TMEM108: variants seen among roughly 807,000 people sequenced by gnomAD.
TMEM108 encodes transmembrane protein 108.
TMEM108 carries 12 observed loss-of-function variants against 35.1 expected under a neutral mutation model. The ratio of observed to expected loss-of-function variants is 0.34; its 90% CI spans 0.22 to 0.55. TMEM108 has a LOEUF of 0.55. Ranked by LOEUF, TMEM108 falls within the 20% of genes least tolerant of loss-of-function variation. The pLI is 0.89. For missense variants in TMEM108, 680 were observed against 753.3 expected, an observed-to-expected ratio of 0.90 and a Z score of 1.14; for synonymous variants, 287 against 308.6, an observed-to-expected ratio of 0.93 and a Z score of 0.73.
intron 3 of TMEM108, among the ~76,000 whole-genome samples, chr3:133,363,089 G>T (rs537519274): frequency 6.6e-6 from 1 of 152,160 alleles, no homozygotes; most frequent in African/African-American, 2.4e-5. Context: ...GACCATTTCT[G>T]TGTGGCCTTC....
chr3:133,349,445 CAAAT>C (rs2071924822), intron 3 of TMEM108, among the ~76,000 whole-genome samples: 1 of 151,976 alleles, frequency 6.6e-6, no homozygotes, highest in African/African-American at 2.4e-5. Context: ...CAAAAATAGA[CAAAT>C]AGGATTACAT....
chr3:133,263,724 A>G (rs1946657274), intron 3 of TMEM108, among the ~76,000 whole-genome samples: 2 of 152,234 alleles, frequency 1.3e-5, no homozygotes, highest in Non-Finnish European at 2.9e-5. Context: ...ACTTGCAGGC[A>G]GCATTTGGGC....
chr3:133,138,610 C>CA (rs899573252), intron 2 of TMEM108, among the ~76,000 whole-genome samples: 1 of 152,046 alleles, frequency 6.6e-6, no homozygotes, highest in African/African-American at 2.4e-5. Context: ...AAAGATTGGA[C>CA]ATCCCTGCCA....
chr3:133,065,169 T>C (rs1290690890), intron 2 of TMEM108, among the ~76,000 whole-genome samples: 1 of 151,962 alleles, frequency 6.6e-6, no homozygotes, highest in African/African-American at 2.4e-5. Flanking sequence ...ATTTGTTGGA[T>C]GGATTAAATT....
intron 2 of TMEM108, among the ~76,000 whole-genome samples, chr3:133,057,479 A>ATATATATATATATC (rs1559818494): frequency 1.4e-5 from 1 of 73,144 alleles, no homozygotes; most frequent in African/African-American, 5.0e-5. Context: ...ATATATATAT[A>ATATATATATATATC]TATATATGTG....
In TMEM108 at chr3:133,379,901, G is replaced by C; in HGVS notation, c.190G>C (p.Val64Leu). ...CAGCTCTACCAGACATACTTCTGTG[G>C]TGATGCTGACCCCCAATCCCGATGG... Reference protein sequence around the residue: ...PHSSTRHTSVVMLTPNPDGPP... With the variant: ...PHSSTRHTSVLMLTPNPDGPP... The change falls in exon 4 of 6, where the codon GTG becomes CTG. Residue 64 changes from valine (V) to leucine (L), a missense_variant. Val to Leu is a conservative substitution (Grantham distance 32). Around this residue, in one of 3 missense-constraint regions of TMEM108, gnomAD observed 526 missense variants for 532.1 expected, o/e 0.99. Transcript: ENST00000321871. The C allele has an allele frequency of 6.2e-7, 1 of 1,613,898 alleles. No homozygotes were observed.
At chr3:133,382,482 C>T (rs866432310) in intron 4 of TMEM108, among the ~76,000 whole-genome samples, 2 of 152,254 alleles carry the variant, frequency 1.3e-5, no homozygotes, top group Non-Finnish European at 2.9e-5. Context: ...CCATCTGCCC[C>T]CTCTGGGGTA....
chr3:133,119,058 C>T (rs1375257959), intron 2 of TMEM108: 1 of 152,168 alleles, frequency 6.6e-6, no homozygotes, highest in East Asian at 1.9e-4. Flanking sequence ...ACTTTGGAAA[C>T]GTACTAGCAC....
chr3:133,243,967 A>G (rs1262957396), intron 3 of TMEM108, among the ~76,000 whole-genome samples: 1 of 152,146 alleles, frequency 6.6e-6, no homozygotes, highest in Non-Finnish European at 1.5e-5. Context: ...GGGCCTGGAA[A>G]GGGAAGAAAG....
In TMEM108 at chr3:133,078,262, A is replaced by G. The variant is rs1285463521; in HGVS notation, c.-47+32242A>G. 2.6e-5 allele frequency among the ~76,000 whole-genome samples: 4 copies of G among 151,640 alleles called. No homozygotes were observed. In the East Asian group the frequency reaches 7.7e-4, roughly 29 times the overall value. On this transcript the variant is annotated intron_variant, in intron 2 of 5. Transcript: ENST00000321871. ...GCTTTTTGTGGACGACAGGGCATAT[A>G]CCTCCCTATTCTTCTCAGTCCTTTC...
chr3:133,141,033 T>A (rs887409014), intron 2 of TMEM108, among the ~76,000 whole-genome samples: 1 of 152,210 alleles, frequency 6.6e-6, no homozygotes, highest in Non-Finnish European at 1.5e-5. Context: ...GGATCCGGCC[T>A]ACCAAATCAT....
At chr3:133,244,406 C>T (rs181503285) in intron 3 of TMEM108, among the ~76,000 whole-genome samples, 3 of 152,230 alleles carry the variant, frequency 2.0e-5, no homozygotes, top group Admixed American at 2.0e-4. Flanking sequence ...TCTATGAACC[C>T]GTCCTAAGTC....
At chr3:133,128,721 T>C (rs530220574) in intron 2 of TMEM108, among the ~76,000 whole-genome samples, 1 of 152,320 alleles carries the variant, frequency 6.6e-6, no homozygotes, top group African/African-American at 2.4e-5. Flanking sequence ...CCATGGTTTC[T>C]TGGGTGAAGA....
At chr3:133,140,862 A>C (rs1944631392) in intron 2 of TMEM108, among the ~76,000 whole-genome samples, 1 of 152,116 alleles carries the variant, frequency 6.6e-6, no homozygotes, top group Non-Finnish European at 1.5e-5. Flanking sequence ...AATTTTTAAT[A>C]ATTATATATT....
intron 3 of TMEM108, among the ~76,000 whole-genome samples, chr3:133,344,550 G>T (rs1349149880): frequency 6.6e-6 from 1 of 150,704 alleles, no homozygotes; most frequent in Non-Finnish European, 1.5e-5. Context: ...TATTAATTCA[G>T]CCCAAAAAAA....
intron 3 of TMEM108, among the ~76,000 whole-genome samples, chr3:133,255,791 C>A (rs1386825492): frequency 3.3e-5 from 5 of 152,146 alleles, no homozygotes; most frequent in Non-Finnish European, 7.3e-5. Flanking sequence ...CAGTTCAAGA[C>A]CAACCTGGCC....
At chr3:133,162,911 C>T (rs1396438630) in intron 2 of TMEM108, among the ~76,000 whole-genome samples, 1 of 152,174 alleles carries the variant, frequency 6.6e-6, no homozygotes, top group Non-Finnish European at 1.5e-5. Context: ...GCATATGAAA[C>T]AGTTTGCTGG....
At chr3:133,339,787 A>ATAAC (rs2071607946) in intron 3 of TMEM108, among the ~76,000 whole-genome samples, 1 of 151,928 alleles carries the variant, frequency 6.6e-6, no homozygotes, top group African/African-American at 2.4e-5. Context: ...CTAGAAATCA[A>ATAAC]TAACAAGAGG....
At chr3:133,184,003 A>G (rs1420560891) in intron 2 of TMEM108, among the ~76,000 whole-genome samples, 1 of 152,196 alleles carries the variant, frequency 6.6e-6, no homozygotes, top group East Asian at 1.9e-4. Flanking sequence ...GAACAAGGGC[A>G]TTACTGCAGG....
Sources: allele counts gnomAD v4.1 joint callset (sites outside exome capture counted in the v4.1 genomes callset), GRCh38; gene constraint gnomAD v4.1.1; regional missense constraint gnomAD v4.1.1; transcripts MANE v1.5; gene names NCBI Gene and HGNC (gene_info 2026-07-23, HGNC 2026-07-21).